RORB: variants seen among roughly 807,000 people sequenced by gnomAD.
RORB encodes RAR related orphan receptor B, also known as nuclear receptor ROR-beta.
A neutral mutation model predicts 59.1 loss-of-function variants in RORB; 6 were observed. The ratio of observed to expected loss-of-function variants is 0.10; its 90% CI spans 0.06 to 0.20. The LOEUF is 0.20. RORB is among the 10% of genes least tolerant of loss of function. The pLI, the probability that RORB is intolerant of heterozygous loss-of-function variation, is 1.00. For synonymous variants in RORB, 215 were observed against 204.5 expected (o/e 1.05, Z -0.44); for missense variants, 320 against 560.5 (o/e 0.57, Z 4.33).
Position 74,497,893 on chromosome 9 carries a change from C to T in RORB, c.-84C>T. 1.3e-6 allele frequency: 2 copies of T among 1,535,776 alleles called. No individual in the cohort carries two copies. The highest frequency in any genetic ancestry group is 2.3e-5 in the East Asian group (1 of 43,382). The stretch of plus-strand genomic sequence containing the variant: ...CTCTTCGCCGACCACCTTCTTCACT[C>T]GTGCTGAGCGGGATTTTTGGGCTCT... On this transcript the variant is annotated 5_prime_UTR_variant, in exon 1 of 10. Transcript: ENST00000376896.
intron 1 of RORB, among the ~76,000 whole-genome samples, chr9:74,531,544 C>T (rs747598018): frequency 2.6e-5 from 4 of 151,900 alleles, no homozygotes; most frequent in African/African-American, 2.4e-5. Context: ...AGTTCTATTA[C>T]GAGATCCGTT....
intron 1 of RORB, among the ~76,000 whole-genome samples, chr9:74,600,668 T>C (rs1823041347): frequency 1.3e-5 from 2 of 152,230 alleles, no homozygotes; most frequent in South Asian, 4.1e-4. Context: ...TATCAAGATA[T>C]TAAAATATTT....
intron 1 of RORB, among the ~76,000 whole-genome samples, chr9:74,603,424 G>C (rs1823099637): frequency 6.6e-6 from 1 of 152,112 alleles, no homozygotes; most frequent in African/African-American, 2.4e-5. Flanking sequence ...GGTTGATTCT[G>C]TTGACTAAGG....
At chr9:74,522,354 A>C (rs556599014) in intron 1 of RORB, among the ~76,000 whole-genome samples, 1 of 151,816 alleles carries the variant, frequency 6.6e-6, no homozygotes, top group African/African-American at 2.4e-5. Flanking sequence ...GATTCAAAAT[A>C]ACTGACATCA....
chr9:74,531,791 A>G (rs923690544), intron 1 of RORB, among the ~76,000 whole-genome samples: 4 of 151,978 alleles, frequency 2.6e-5, no homozygotes, highest in Non-Finnish European at 4.4e-5. Flanking sequence ...GTAAATTTTG[A>G]GTGTAAACAT....
intron 1 of RORB, among the ~76,000 whole-genome samples, chr9:74,511,851 G>A (rs189575147): frequency 1.7e-4 from 26 of 151,192 alleles, no homozygotes; most frequent in African/African-American, 6.3e-4. Context: ...TTATGCACCA[G>A]ACACTATCTT....
In RORB at chr9:74,686,057, GTAGC is replaced by G. The variant is rs1824637848; in HGVS notation, c.*441_*444del. 1 of 153,280 alleles carries G rather than the reference GTAGC, an allele frequency of 6.5e-6. No homozygotes were observed. The highest frequency in any genetic ancestry group is 1.5e-5 in the Non-Finnish European group (1 of 68,538). 9.5% of individuals were successfully genotyped at this position (153,280 alleles called of 1,614,324 possible). A position where few individuals can be genotyped will look rare whatever the true frequency, so the allele number is the denominator to read the frequency against. On this transcript the variant is annotated 3_prime_UTR_variant, in exon 10 of 10. Coordinates refer to ENST00000376896, the MANE Select transcript of RORB (RefSeq NM_006914.4). The stretch of plus-strand genomic sequence containing the variant: ...AGGTAGTTGATGCATGTGTAAATTT[GTAGC>G]TGTCTTGGAAAGTACTGTGCATGTA...
chr9:74,643,525 T>C (rs903478323), intron 4 of RORB, among the ~76,000 whole-genome samples: 30 of 152,352 alleles, frequency 2.0e-4, no homozygotes, highest in African/African-American at 7.0e-4. Flanking sequence ...TCTGACCCAC[T>C]GCAACTTTGT....
chr9:74,631,035 T>G (rs979769908), intron 2 of RORB, among the ~76,000 whole-genome samples: 1 of 152,176 alleles, frequency 6.6e-6, no homozygotes, highest in African/African-American at 2.4e-5. Context: ...ACATGGGGTT[T>G]TTCAGTCTCA....
At chr9:74,576,584 A>G (rs1308485686) in intron 1 of RORB, among the ~76,000 whole-genome samples, 1 of 152,132 alleles carries the variant, frequency 6.6e-6, no homozygotes, top group African/African-American at 2.4e-5. Flanking sequence ...TAAGACTAGC[A>G]GGGAAACCTC....
Position 74,546,235 on chromosome 9 carries a change from G to T in RORB, c.7+48252G>T, listed in dbSNP as rs190552778. On this transcript the variant is annotated intron_variant, in intron 1 of 9. Transcript: ENST00000376896. ...TCCCGTGGGAAAATGGTAGAAATCT[G>T]GGTTTACCACTTGAAAGGAGAGATA... is the stretch of plus-strand genomic sequence containing the variant. Among the ~76,000 whole-genome samples the T allele has an allele frequency of 2.0e-5, 3 of 152,244 alleles. No homozygotes were observed. In the East Asian group the frequency reaches 5.8e-4, roughly 29 times the overall value.
intron 4 of RORB, among the ~76,000 whole-genome samples, chr9:74,659,979 A>G (rs757615792): frequency 9.7e-6 from 1 of 102,616 alleles, no homozygotes; most frequent in Non-Finnish European, 2.0e-5. Context: ...CCCAATTCCA[A>G]TCATTATCAA....
At chr9:74,660,426 G>T (rs1321906918) in intron 4 of RORB, among the ~76,000 whole-genome samples, 191 bp from the exon 5 acceptor site, 2 of 152,056 alleles carry the variant, frequency 1.3e-5, no homozygotes, top group African/African-American at 4.8e-5. Context: ...AATAAATTTT[G>T]ATTAAAATAC....
At chr9:74,527,386 A>C (rs1826170258) in intron 1 of RORB, among the ~76,000 whole-genome samples, 1 of 152,046 alleles carries the variant, frequency 6.6e-6, no homozygotes, top group Admixed American at 6.6e-5. Flanking sequence ...AGAGACCAAA[A>C]CCCCCTACCC....
intron 4 of RORB, among the ~76,000 whole-genome samples, chr9:74,651,310 G>A (rs1823986614): frequency 6.6e-6 from 1 of 152,164 alleles, no homozygotes; most frequent in Non-Finnish European, 1.5e-5. Flanking sequence ...CAAGGCAGGT[G>A]GATCACATGA....
intron 1 of RORB, among the ~76,000 whole-genome samples, chr9:74,574,240 C>T (rs755074844): frequency 4.6e-5 from 7 of 152,074 alleles, no homozygotes; most frequent in Non-Finnish European, 8.8e-5. Context: ...ACAGATCCAG[C>T]CCTGAGTCAG....
At chr9:74,547,944 T>A (rs1365165388) in intron 1 of RORB, among the ~76,000 whole-genome samples, 1 of 152,240 alleles carries the variant, frequency 6.6e-6, no homozygotes, top group Non-Finnish European at 1.5e-5. Context: ...ACCAGGCTAC[T>A]GTAATAATCC....
At chr9:74,570,065 C>T (rs1400182910) in intron 1 of RORB, among the ~76,000 whole-genome samples, 1 of 152,030 alleles carries the variant, frequency 6.6e-6, no homozygotes, top group Non-Finnish European at 1.5e-5. Context: ...TCTTATAATA[C>T]TAAAATTCTT....
At chr9:74,528,712 A>G (rs1826191991) in intron 1 of RORB, among the ~76,000 whole-genome samples, 1 of 151,964 alleles carries the variant, frequency 6.6e-6, no homozygotes, top group South Asian at 2.1e-4. Flanking sequence ...ATGTTGCACT[A>G]GCTTTTATTG....
Sources: gnomAD v4.1 joint callset for allele counts (sites outside exome capture counted in the v4.1 genomes callset) on GRCh38, gnomAD v4.1.1 for gene constraint, MANE v1.5 for transcripts, NCBI Gene and HGNC (gene_info 2026-07-23, HGNC 2026-07-21) for gene names.